NRG3: variants seen among roughly 807,000 people sequenced by gnomAD.
NRG3 encodes the protein pro-neuregulin-3, membrane-bound isoform.
NRG3 carries 31 observed loss-of-function variants against 66.9 expected under a neutral mutation model. The ratio of observed to expected loss-of-function variants is 0.46; its 90% confidence interval spans 0.35 to 0.63. NRG3 has a LOEUF of 0.63. NRG3 is among the 20% of genes least tolerant of loss of function. The pLI is 0.00. For synonymous variants in NRG3, 393 were observed against 359.4 expected (o/e 1.09, Z -1.06); for missense variants, 910 against 878.9 (o/e 1.04, Z -0.45).
chr10:82,658,341 A>G (rs2052038024), intron 2 of NRG3, among the ~76,000 whole-genome samples: 7 of 152,192 alleles, frequency 4.6e-5, no homozygotes. Context: ...ACAGAATCCA[A>G]CATTCATTCC....
intron 4 of NRG3, among the ~76,000 whole-genome samples, chr10:82,866,931 A>G (rs1413406912): frequency 1.3e-5 from 2 of 152,148 alleles, no homozygotes; most frequent in African/African-American, 4.8e-5. Flanking sequence ...TAAGTTGTCT[A>G]ATGGATATTC....
intron 4 of NRG3, among the ~76,000 whole-genome samples, chr10:82,939,626 C>T (rs1381259504): frequency 4.6e-5 from 7 of 151,948 alleles, no homozygotes; most frequent in Non-Finnish European, 7.4e-5. Context: ...CCCACCACCA[C>T]GCCCTGCTAA....
At chr10:82,184,412 A>G (rs1035197494) in intron 1 of NRG3, among the ~76,000 whole-genome samples, 11 of 152,158 alleles carry the variant, frequency 7.2e-5, no homozygotes, top group African/African-American at 2.7e-4. Context: ...TCCATTTAAA[A>G]GGGAAATTCA....
chr10:82,526,989 T>C (rs113173243), intron 2 of NRG3, among the ~76,000 whole-genome samples: 7 of 152,102 alleles, frequency 4.6e-5, no homozygotes, highest in Admixed American at 1.3e-4. Context: ...TGTTTGAAGT[T>C]ACATACTCCT....
chr10:82,956,837 T>C (rs528053946), intron 5 of NRG3, among the ~76,000 whole-genome samples: 2 of 152,122 alleles, frequency 1.3e-5, no homozygotes, highest in East Asian at 3.9e-4. Context: ...AGATTTATTT[T>C]TAACAATAGG....
At chr10:82,222,304 C>A (rs1442691065) in intron 1 of NRG3, among the ~76,000 whole-genome samples, 1 of 151,822 alleles carries the variant, frequency 6.6e-6, no homozygotes. Flanking sequence ...TAGAATAGAA[C>A]AATTTCTTAA....
At chr10:82,513,081 A>G (rs374705074) in intron 2 of NRG3, among the ~76,000 whole-genome samples, 51 of 152,308 alleles carry the variant, frequency 3.3e-4, no homozygotes, top group African/African-American at 1.2e-3. Context: ...AGCATGCATT[A>G]GCTATCTATC....
intron 2 of NRG3, among the ~76,000 whole-genome samples, chr10:82,614,819 A>G (rs572279203): frequency 1.5e-4 from 23 of 152,262 alleles, no homozygotes; most frequent in South Asian, 8.3e-4. Context: ...AGGGTTTGTT[A>G]TATAAAACAC....
chr10:82,801,453 T>C (rs1347454755), intron 3 of NRG3, among the ~76,000 whole-genome samples: 1 of 152,162 alleles, frequency 6.6e-6, no homozygotes, highest in Non-Finnish European at 1.5e-5. Context: ...CCATCTGGAA[T>C]GTGTCATTAA....
intron 1 of NRG3, among the ~76,000 whole-genome samples, chr10:82,203,213 A>G (rs931793253): frequency 2.6e-5 from 4 of 152,170 alleles, no homozygotes; most frequent in Admixed American, 1.3e-4. Flanking sequence ...AAAATTTCAG[A>G]TTAAATCAGT....
intron 1 of NRG3, among the ~76,000 whole-genome samples, chr10:82,251,871 C>G (rs767325356): frequency 3.3e-5 from 5 of 152,072 alleles, no homozygotes; most frequent in Non-Finnish European, 7.4e-5. Flanking sequence ...GCTTCTTGTC[C>G]TGACAACTCT....
chr10:82,813,744 C>T (rs185457800), intron 3 of NRG3, among the ~76,000 whole-genome samples: 20 of 152,242 alleles, frequency 1.3e-4, no homozygotes, highest in African/African-American at 4.8e-4. Context: ...GATCTGATCA[C>T]GTTTCAGAAT....
At chr10:82,354,554 C>T (rs1412376561) in intron 1 of NRG3, among the ~76,000 whole-genome samples, 1 of 152,032 alleles carries the variant, frequency 6.6e-6, no homozygotes, top group East Asian at 1.9e-4. Context: ...CCATGCCTGG[C>T]TAATTTTTTG....
intron 2 of NRG3, among the ~76,000 whole-genome samples, chr10:82,516,405 G>A (rs1246766813): frequency 1.3e-5 from 2 of 152,048 alleles, no homozygotes. Context: ...GACTTTGATG[G>A]TTGGTGGAGT....
intron 2 of NRG3, among the ~76,000 whole-genome samples, chr10:82,441,910 T>C (rs1315952066): frequency 6.6e-6 from 1 of 152,182 alleles, no homozygotes; most frequent in Non-Finnish European, 1.5e-5. Context: ...TAGAGACTCT[T>C]GTCCCTTACA....
chr10:82,951,646 T>G, intron 5 of NRG3, 75 bp downstream of exon 5: 1 of 1,265,386 alleles, frequency 7.9e-7, no homozygotes, highest in Non-Finnish European at 1.1e-6. Flanking sequence ...GTTCTCAGTC[T>G]GTGTGCCACA....
intron 2 of NRG3, among the ~76,000 whole-genome samples, chr10:82,600,785 ATT>A: frequency 6.6e-6 from 1 of 151,768 alleles, no homozygotes; most frequent in Middle Eastern, 3.4e-3. Flanking sequence ...ATTTATTTTT[ATT>A]TTTTTTAATT....
chr10:82,871,882 C>T (rs1841376727), intron 4 of NRG3, among the ~76,000 whole-genome samples: 1 of 151,904 alleles, frequency 6.6e-6, no homozygotes, highest in Admixed American at 6.6e-5. Flanking sequence ...CTTCCCTTTC[C>T]AATCTGTGTA....
intron 1 of NRG3, among the ~76,000 whole-genome samples, chr10:82,218,946 C>T (rs895352299): frequency 6.6e-6 from 1 of 151,918 alleles, no homozygotes; most frequent in Non-Finnish European, 1.5e-5. Context: ...GAAAGGAGAC[C>T]AATCTATGGG....
Sources: allele counts gnomAD v4.1 joint callset (sites outside exome capture counted in the v4.1 genomes callset), GRCh38; gene constraint gnomAD v4.1.1; transcripts MANE v1.5; gene names NCBI Gene and HGNC (gene_info 2026-07-23, HGNC 2026-07-21).